The following AGBL2 variants were observed in gnomAD, a reference collection of about 807,000 sequenced individuals.
The protein encoded by AGBL2 is cytosolic carboxypeptidase 2.
AGBL2 carries 87 observed loss-of-function variants against 103.0 expected under a neutral mutation model. The ratio of observed to expected loss-of-function variants is 0.84; its 90% CI spans 0.71 to 1.01. AGBL2 has a LOEUF of 1.01. Among genes scored for constraint, AGBL2 ranks in the 50% least tolerant of loss-of-function variants. The pLI, the probability that AGBL2 is intolerant of heterozygous loss-of-function variation, is 0.00. For missense variants in AGBL2, 904 were observed against 1,023.5 expected (o/e 0.88, Z 1.59); for synonymous variants, 335 against 356.7 (o/e 0.94, Z 0.69).
rs1476408112 is a variant in AGBL2 at position 47,714,767 on chromosome 11, G to A, written c.-100-17C>T. The A allele has an allele frequency of 3.7e-6, 4 of 1,080,172 alleles. No individual in the cohort carries two copies. The African/African-American group carries it at 4.7e-5, about 13-fold the overall frequency. The allele number at this position is 1,080,172 out of a possible 1,614,324, so 66.9% of individuals were successfully genotyped here. On this transcript the variant is annotated splice_polypyrimidine_tract_variant and intron_variant, in intron 1 of 18. Coordinates refer to ENST00000525123, the MANE Select transcript of AGBL2 (RefSeq NM_024783.4). ...CAAGAGAAGCTACAAAGCCACAAGA[G>A]GACAAGTGAAAAAACTGCCAATACC...
chr11:47,695,193 G>A (rs1201855363), intron 8 of AGBL2, among the ~76,000 whole-genome samples: 1 of 151,140 alleles, frequency 6.6e-6, no homozygotes, highest in African/African-American at 2.4e-5. Flanking sequence ...CCACAACAAA[G>A]GCTGGGCATG....
intron 10 of AGBL2, among the ~76,000 whole-genome samples, chr11:47,686,769 T>C (rs930462429): frequency 5.9e-5 from 9 of 151,854 alleles, no homozygotes; most frequent in African/African-American, 2.2e-4. Context: ...GAGACCAGCC[T>C]GACCAACCTG....
chr11:47,708,190 C>G (rs1470534228), intron 4 of AGBL2, among the ~76,000 whole-genome samples: 7 of 151,984 alleles, frequency 4.6e-5, no homozygotes, highest in Non-Finnish European at 1.0e-4. Context: ...GCCTCAGCCT[C>G]CTGAGTAGCT....
chr11:47,704,449 C>T (rs2097510026), intron 7 of AGBL2, 94 bp downstream of exon 7: 1 of 1,165,842 alleles, frequency 8.6e-7, no homozygotes, highest in Non-Finnish European at 1.2e-6. Flanking sequence ...CGCCATTGCA[C>T]TCCAGCCTGG....
At chr11:47,704,122 A>C (rs1235577654) in intron 7 of AGBL2, among the ~76,000 whole-genome samples, 1 of 151,084 alleles carries the variant, frequency 6.6e-6, no homozygotes, top group East Asian at 2.0e-4. Context: ...TAAATAAATA[A>C]ATGTTGACTC....
chr11:47,681,822 G>A lies in AGBL2; in HGVS notation c.1915+147C>T, dbSNP rs895499444. On this transcript the variant is annotated intron_variant, in intron 12 of 18. Coordinates refer to ENST00000525123, the MANE Select transcript of AGBL2 (RefSeq NM_024783.4). ...CATCAAATATATTTCACATTCATAT[G>A]TTGGGCACTCAAATTTAGCATAAGT... 137 of 964,884 alleles carry A rather than the reference G, an allele frequency of 1.4e-4. No individual in the cohort carries two copies. The East Asian group carries it at 3.4e-3, about 24-fold the overall frequency. The allele number at this position is 964,884 out of a possible 1,614,324, so 59.8% of individuals were successfully genotyped here. A position where few individuals can be genotyped will look rare whatever the true frequency, so the allele number is the denominator to read the frequency against.
chr11:47,686,079 G>A (rs767374251), intron 10 of AGBL2, 30 bp from the exon 11 acceptor site: 2 of 1,607,840 alleles, frequency 1.2e-6, no homozygotes, highest in Non-Finnish European at 1.7e-6. Context: ...AGGACTCAGT[G>A]GACACCCAAA....
At chr11:47,680,785 T>TGAAAC (rs1379217331) in intron 12 of AGBL2, among the ~76,000 whole-genome samples, 16 of 36,764 alleles carry the variant, frequency 4.4e-4, no homozygotes, top group Admixed American at 9.9e-4. Context: ...AGGGAGACCC[T>TGAAAC]GAAACAAAAC....
intron 18 of AGBL2, among the ~76,000 whole-genome samples, 185 bp from the exon 19 acceptor site, chr11:47,660,531 C>G (rs2153802333): frequency 6.6e-6 from 1 of 151,140 alleles, no homozygotes; most frequent in East Asian, 1.9e-4. Flanking sequence ...GGTCCCTTAG[C>G]CAAATCAAGG....
chr11:47,692,004 C>G, intron 9 of AGBL2, 99 bp downstream of exon 9: 1 of 1,124,494 alleles, frequency 8.9e-7, no homozygotes, highest in Non-Finnish European at 1.2e-6. Context: ...TTCCCCATCA[C>G]CTCTTTCTTT....
intron 18 of AGBL2, among the ~76,000 whole-genome samples, chr11:47,662,611 G>A (rs1206710557): frequency 6.6e-6 from 1 of 151,764 alleles, no homozygotes; most frequent in African/African-American, 2.4e-5. Context: ...TCCTGCCTCA[G>A]CCTCTCCAGT....
intron 14 of AGBL2, among the ~76,000 whole-genome samples, chr11:47,674,621 T>G (rs1371516967): frequency 6.6e-6 from 1 of 151,928 alleles, no homozygotes; most frequent in African/African-American, 2.4e-5. Flanking sequence ...ATCAGGAGGC[T>G]TATAGCCTTA....
intron 14 of AGBL2, among the ~76,000 whole-genome samples, chr11:47,676,958 C>T (rs2153803311): frequency 6.6e-6 from 1 of 152,292 alleles, no homozygotes; most frequent in Non-Finnish European, 1.5e-5. Context: ...AAACTGCCTG[C>T]CCAACTCCCT....
chr11:47,706,749 GT>G (rs749331168), intron 4 of AGBL2, among the ~76,000 whole-genome samples: 1 of 151,358 alleles, frequency 6.6e-6, no homozygotes, highest in Non-Finnish European at 1.5e-5. Context: ...TTTCTCTTTT[GT>G]TTTTTTAAGA....
intron 18 of AGBL2, among the ~76,000 whole-genome samples, chr11:47,661,836 A>G (rs1428934105): frequency 2.0e-5 from 3 of 149,846 alleles, no homozygotes; most frequent in African/African-American, 7.4e-5. Context: ...TGCAACCTCC[A>G]CCTCCGGGTT....
At chr11:47,713,674 C>T (rs935455069) in intron 3 of AGBL2, among the ~76,000 whole-genome samples, 3 of 151,182 alleles carry the variant, frequency 2.0e-5, no homozygotes, top group South Asian at 2.1e-4. Flanking sequence ...CTGCAAGCTC[C>T]GCCTCCCAGG....
chr11:47,709,450 C>T (rs1006775075), intron 4 of AGBL2, among the ~76,000 whole-genome samples: 2 of 152,014 alleles, frequency 1.3e-5, no homozygotes, highest in African/African-American at 2.4e-5. Flanking sequence ...CTGGATTCCT[C>T]CCCTTGGATT....
chr11:47,710,363 T>C lies in AGBL2; in HGVS notation c.232+14A>G. The C allele has an allele frequency of 1.9e-6, 3 of 1,613,942 alleles. No homozygotes were observed. The highest frequency in any genetic ancestry group is 2.5e-6 in the Non-Finnish European group (3 of 1,179,850). On this transcript the variant is annotated intron_variant, in intron 4 of 18. Transcript: ENST00000525123. ...ATGAGGTTCTAGAGGTCACACATAC[T>C]GATTGTTACTCACATAGAAGCTTCT...
intron 14 of AGBL2, among the ~76,000 whole-genome samples, chr11:47,674,155 C>G (rs73467345): frequency 0.017 from 2,551 of 151,932 alleles, 46 homozygotes; most frequent in African/African-American, 0.046. Context: ...ATGACAGAGG[C>G]AATAAATGCT....
Sources: gnomAD v4.1 joint callset for allele counts (sites outside exome capture counted in the v4.1 genomes callset) on GRCh38, gnomAD v4.1.1 for gene constraint, MANE v1.5 for transcripts, NCBI Gene and HGNC (gene_info 2026-07-23, HGNC 2026-07-21) for gene names.